CEP63: variants seen among roughly 807,000 people sequenced by gnomAD.
The protein encoded by CEP63 is centrosomal protein of 63 kDa.
In CEP63, 84 loss-of-function variants were observed where a neutral mutation model predicts 89.1. That is an observed-to-expected ratio of 0.94 (90% CI 0.79 to 1.13). The LOEUF is 1.13. Among genes scored for constraint, CEP63 ranks in the 50% most tolerant of loss-of-function variants. CEP63 has a pLI of 0.00. For missense variants in CEP63, 838 were observed against 813.3 expected, an observed-to-expected ratio of 1.03 and a Z score of -0.37; for synonymous variants, 267 against 272.5, an observed-to-expected ratio of 0.98 and a Z score of 0.20.
At chr3:134,710,124 C>G in the CEP63 span, among the ~76,000 whole-genome samples, 18 of 152,310 alleles carry the variant, frequency 1.2e-4, no homozygotes, top group East Asian at 3.5e-3. Flanking sequence ...ACCTCAGCCA[C>G]AGGCAAGTAT....
At chr3:134,644,927 C>A in the CEP63 span, among the ~76,000 whole-genome samples, 2 of 152,206 alleles carry the variant, frequency 1.3e-5, no homozygotes, top group East Asian at 3.8e-4. Flanking sequence ...ATGTGGCATG[C>A]GGGGCTGGAG....
At chr3:134,660,759 TG>T in the CEP63 span, among the ~76,000 whole-genome samples, 1 of 152,168 alleles carries the variant, frequency 6.6e-6, no homozygotes, top group Non-Finnish European at 1.5e-5. Context: ...CAAAGCAGAC[TG>T]GGAAGTGAAA....
At chr3:134,715,198 G>A in the CEP63 span, among the ~76,000 whole-genome samples, 1 of 152,166 alleles carries the variant, frequency 6.6e-6, no homozygotes, top group Non-Finnish European at 1.5e-5. Context: ...CCTCCATACA[G>A]AGCCCGAATC....
At chr3:134,605,632 A>G in the CEP63 span, among the ~76,000 whole-genome samples, 3 of 151,946 alleles carry the variant, frequency 2.0e-5, no homozygotes, top group Admixed American at 1.3e-4. Flanking sequence ...CCTGTCACAT[A>G]CTGCCCACTC....
chr3:134,756,634 G>A, the CEP63 span, among the ~76,000 whole-genome samples: 601 of 152,276 alleles, frequency 3.9e-3, 2 homozygotes, highest in African/African-American at 0.014. Context: ...GATTACAGGC[G>A]TGAGCCACTG....
At chr3:134,665,275 G>T in the CEP63 span, among the ~76,000 whole-genome samples, 4 of 152,330 alleles carry the variant, frequency 2.6e-5, no homozygotes, top group East Asian at 1.9e-4. Context: ...CCTACCTCCT[G>T]GTGCTGCCCC....
chr3:134,508,207 C>G (rs1429650150), intron 3 of CEP63, among the ~76,000 whole-genome samples: 1 of 152,056 alleles, frequency 6.6e-6, no homozygotes, highest in Non-Finnish European at 1.5e-5. Flanking sequence ...TTATGCTTAC[C>G]CAGAAAATTT....
the CEP63 span, chr3:134,647,304 G>A: frequency 7.0e-6 from 5 of 717,636 alleles, no homozygotes; most frequent in South Asian, 6.6e-5. Flanking sequence ...GGCCTGGCTG[G>A]GTCAGGAGCA....
chr3:134,532,478 A>T (rs191827288), intron 4 of CEP63, among the ~76,000 whole-genome samples: 84 of 152,310 alleles, frequency 5.5e-4, no homozygotes, highest in Non-Finnish European at 1.0e-3. Flanking sequence ...GGAAAGAAAA[A>T]GAGTTTTTAT....
the CEP63 span, chr3:134,615,304 C>G: frequency 7.0e-6 from 1 of 142,722 alleles, no homozygotes; most frequent in Non-Finnish European, 1.5e-5. Flanking sequence ...AGCCAGTGGC[C>G]GGAGCAGCAG....
chr3:134,737,425 A>C, the CEP63 span, among the ~76,000 whole-genome samples: 2 of 152,178 alleles, frequency 1.3e-5, no homozygotes, highest in Non-Finnish European at 2.9e-5. Flanking sequence ...TATATAAATA[A>C]CCTCTACAAA....
chr3:134,728,088 G>T, the CEP63 span, among the ~76,000 whole-genome samples: 2 of 152,310 alleles, frequency 1.3e-5, no homozygotes, highest in African/African-American at 4.8e-5. Context: ...GAAAAAAACT[G>T]TGTCTAATAA....
chr3:134,754,099 G>A, the CEP63 span, among the ~76,000 whole-genome samples: 2 of 152,204 alleles, frequency 1.3e-5, no homozygotes, highest in East Asian at 1.9e-4. Context: ...TGAGCCCAAA[G>A]GACCTTCCTG....
At chr3:134,604,611 T>C in the CEP63 span, 1 of 712,494 alleles carries the variant, frequency 1.4e-6, no homozygotes, top group Non-Finnish European at 2.3e-6. Context: ...GTTAATACTT[T>C]CACCACAGTC....
At chr3:134,547,570 T>C (rs2109694103) in intron 9 of CEP63, 98 bp downstream of exon 9, 1 of 926,962 alleles carries the variant, frequency 1.1e-6, no homozygotes, top group South Asian at 1.5e-5. Context: ...GTAAAAAAAA[T>C]AAGATTTTTT....
chr3:134,616,413 G>A, the CEP63 span, among the ~76,000 whole-genome samples: 3 of 152,056 alleles, frequency 2.0e-5, no homozygotes, highest in African/African-American at 4.8e-5. Context: ...CAGCAAGTGC[G>A]GATTATATGT....
At chr3:134,632,091 A>G in the CEP63 span, among the ~76,000 whole-genome samples, 2 of 152,118 alleles carry the variant, frequency 1.3e-5, no homozygotes, top group Non-Finnish European at 2.9e-5. Flanking sequence ...GGCATACGTC[A>G]AACAACAAAG....
the CEP63 span, among the ~76,000 whole-genome samples, chr3:134,716,798 T>G: frequency 6.6e-6 from 1 of 152,190 alleles, no homozygotes; most frequent in Non-Finnish European, 1.5e-5. Context: ...TCTCTGATGG[T>G]CAATTACTTT....
At chr3:134,526,773 G>GT (rs907046582) in intron 3 of CEP63, among the ~76,000 whole-genome samples, 116 of 146,258 alleles carry the variant, frequency 7.9e-4, no homozygotes, top group Admixed American at 1.2e-3. Flanking sequence ...CTTGGATGAG[G>GT]TTTTTTTTTT....
Sources: gnomAD v4.1 joint callset for allele counts (sites outside exome capture counted in the v4.1 genomes callset) on GRCh38, gnomAD v4.1.1 for gene constraint, MANE v1.5 for transcripts, NCBI Gene and HGNC (gene_info 2026-07-23, HGNC 2026-07-21) for gene names.